Variants in PCDH11Y observed in about 807,000 individuals in gnomAD.
The protein encoded by PCDH11Y is protocadherin-11 Y-linked.
For missense variants in PCDH11Y, 12 were observed against 224.8 expected, an observed-to-expected ratio of 0.05 and a Z score of 6.05; for synonymous variants, 9 against 83.6, an observed-to-expected ratio of 0.11 and a Z score of 4.87.
chrY:5,537,259 GT>G (rs34715627), intron 3 of PCDH11Y, among the ~76,000 whole-genome samples: 62 of 16,356 alleles, frequency 3.8e-3, no homozygotes, highest in Middle Eastern at 0.038. Flanking sequence ...ATTGGCAAAT[GT>G]TTTTTTTTTT....
chrY:5,085,177 G>GT (rs2052727664), intron 1 of PCDH11Y, among the ~76,000 whole-genome samples: 1 of 32,467 alleles, frequency 3.1e-5, no homozygotes, highest in Admixed American at 2.9e-4. Flanking sequence ...TTCATTTTAT[G>GT]TTTTTTGGTT....
At chrY:5,224,297 C>G (rs2124652897) in intron 2 of PCDH11Y, among the ~76,000 whole-genome samples, 1 of 24,577 alleles carries the variant, frequency 4.1e-5, no homozygotes, top group African/African-American at 1.7e-4. Context: ...AATAACTAAT[C>G]TCATTGCTGG....
At chrY:5,078,100 T>C in intron 1 of PCDH11Y, among the ~76,000 whole-genome samples, 2 of 31,803 alleles carry the variant, frequency 6.3e-5, no homozygotes, top group Non-Finnish European at 1.5e-4. Flanking sequence ...ATCCCACTTA[T>C]AAGTTAGAAC....
At chrY:5,628,917 C>T (rs1350998595) in intron 4 of PCDH11Y, among the ~76,000 whole-genome samples, 5 of 33,444 alleles carry the variant, frequency 1.5e-4, no homozygotes, top group African/African-American at 3.5e-4. Flanking sequence ...ATAGCAGTTA[C>T]TTTGCATCCT....
chrY:5,439,977 C>T, intron 2 of PCDH11Y, among the ~76,000 whole-genome samples: 1 of 33,238 alleles, frequency 3.0e-5, no homozygotes, highest in South Asian at 6.7e-4. Flanking sequence ...AACTAACCTG[C>T]TCCTGTTATT....
At chrY:5,543,280 A>C (rs371570251) in intron 3 of PCDH11Y, among the ~76,000 whole-genome samples, 3 of 22,941 alleles carry the variant, frequency 1.3e-4, no homozygotes, top group Non-Finnish European at 3.7e-4. Flanking sequence ...ATTTTGTGAC[A>C]GTTCATCTTA....
intron 2 of PCDH11Y, among the ~76,000 whole-genome samples, chrY:5,182,974 C>T: frequency 3.0e-5 from 1 of 33,557 alleles, no homozygotes; most frequent in Non-Finnish European, 7.4e-5. Context: ...GATTCAGCAC[C>T]CTTCCTAGGG....
intron 2 of PCDH11Y, among the ~76,000 whole-genome samples, chrY:5,194,573 C>A: frequency 3.1e-5 from 1 of 32,284 alleles, no homozygotes; most frequent in Non-Finnish European, 7.5e-5. Flanking sequence ...TATTGAATCC[C>A]ACTAAGGTTC....
chrY:5,557,855 C>T, intron 3 of PCDH11Y, among the ~76,000 whole-genome samples: 1 of 31,391 alleles, frequency 3.2e-5, no homozygotes, highest in Non-Finnish European at 7.8e-5. Context: ...TCCTTTGATG[C>T]CTAGTCTGTT....
chrY:5,335,146 T>C (rs2053135150), intron 2 of PCDH11Y, among the ~76,000 whole-genome samples: 9 of 33,416 alleles, frequency 2.7e-4, no homozygotes. Context: ...TATGCATTTT[T>C]GTCTGGCAGG....
intron 2 of PCDH11Y, among the ~76,000 whole-genome samples, chrY:5,263,307 G>T: frequency 3.3e-5 from 1 of 30,036 alleles, no homozygotes; most frequent in Non-Finnish European, 8.0e-5. Flanking sequence ...AACCCAGAGG[G>T]AGGTGATTGA....
At chrY:5,188,506 G>T in intron 2 of PCDH11Y, among the ~76,000 whole-genome samples, 1 of 31,831 alleles carries the variant, frequency 3.1e-5, no homozygotes, top group Non-Finnish European at 7.7e-5. Flanking sequence ...TTCTTCACAT[G>T]GTAACAGCAA....
intron 3 of PCDH11Y, chrY:5,037,693 T>C: frequency 2.3e-5 from 2 of 88,400 alleles, no homozygotes; most frequent in Non-Finnish European, 4.9e-5. Context: ...AGATCTTCCA[T>C]ACATTGCCCC....
chrY:5,171,419 T>G (rs1602879685), intron 2 of PCDH11Y, among the ~76,000 whole-genome samples: 3 of 33,365 alleles, frequency 9.0e-5, no homozygotes, highest in African/African-American at 3.5e-4. Context: ...AAATGCCTTC[T>G]AGGCATTCGG....
chrY:5,118,008 A>G, intron 2 of PCDH11Y, among the ~76,000 whole-genome samples: 3 of 31,823 alleles, frequency 9.4e-5, no homozygotes, highest in Non-Finnish European at 2.3e-4. Flanking sequence ...TATTATACAT[A>G]TTATATACAT....
At chrY:5,474,724 T>C in intron 2 of PCDH11Y, among the ~76,000 whole-genome samples, 1 of 32,953 alleles carries the variant, frequency 3.0e-5, no homozygotes, top group Middle Eastern at 0.015. Context: ...TAGATTTTGA[T>C]AGATATTACA....
intron 2 of PCDH11Y, among the ~76,000 whole-genome samples, chrY:5,347,582 G>C: frequency 3.0e-5 from 1 of 33,404 alleles, no homozygotes; most frequent in Non-Finnish European, 7.4e-5. Flanking sequence ...TCTGGAGCAT[G>C]AACACTGTCC....
chrY:5,135,312 A>G, intron 2 of PCDH11Y, among the ~76,000 whole-genome samples: 5 of 33,134 alleles, frequency 1.5e-4, no homozygotes, highest in African/African-American at 5.9e-4. Context: ...GCTGCTGCAC[A>G]TACAAGCAAG....
At chrY:5,385,706 G>C in intron 2 of PCDH11Y, among the ~76,000 whole-genome samples, 1 of 33,496 alleles carries the variant, frequency 3.0e-5, no homozygotes, top group Non-Finnish European at 7.4e-5. Flanking sequence ...GGCCATTCTT[G>C]TGGGAGTAAG....
Sources: gnomAD v4.1 joint callset for allele counts (sites outside exome capture counted in the v4.1 genomes callset) on GRCh38, gnomAD v4.1.1 for gene constraint, MANE v1.5 for transcripts, NCBI Gene and HGNC (gene_info 2026-07-23, HGNC 2026-07-21) for gene names.